XRCC5: variants seen among roughly 807,000 people sequenced by gnomAD.
XRCC5 encodes the protein DNA repair protein Ku80.
XRCC5 carries 12 observed loss-of-function variants against 95.7 expected under a neutral mutation model. That is an observed-to-expected ratio of 0.13 (90% confidence interval 0.08 to 0.20). XRCC5 has a LOEUF of 0.20. Ranked by LOEUF, XRCC5 falls within the 10% of genes least tolerant of loss-of-function variation. XRCC5 has a pLI of 1.00. For missense variants in XRCC5, 595 were observed against 873.9 expected (o/e 0.68, Z 4.02); for synonymous variants, 281 against 290.3 (o/e 0.97, Z 0.33).
At chr2:216,141,532 T>C (rs1350405222) in intron 13 of XRCC5, among the ~76,000 whole-genome samples, 2 of 119,128 alleles carry the variant, frequency 1.7e-5, no homozygotes, top group Non-Finnish European at 3.4e-5. Flanking sequence ...GAATGCTTTC[T>C]TTCTTTTCTT....
chr2:216,161,031 A>C (rs1688942589), intron 15 of XRCC5, among the ~76,000 whole-genome samples: 1 of 152,200 alleles, frequency 6.6e-6, no homozygotes, highest in South Asian at 2.1e-4. Flanking sequence ...AGTGTGAATC[A>C]ACAAATCTTA....
chr2:216,128,156 C>T (rs1165552380), intron 8 of XRCC5, among the ~76,000 whole-genome samples: 1 of 152,006 alleles, frequency 6.6e-6, no homozygotes, highest in African/African-American at 2.4e-5. Flanking sequence ...AGTTGTACTC[C>T]TATGTTATAC....
Position 216,119,076 on chromosome 2 carries a change from A to G in XRCC5, c.402A>G (p.Ile134Met), listed in dbSNP as rs80243955. The G allele has an allele frequency of 1.2e-4, 189 of 1,614,142 alleles. No homozygotes were observed. The highest frequency in any genetic ancestry group is 1.6e-4 in the Non-Finnish European group (186 of 1,179,974). The change falls in exon 5 of 21, where the codon ATA (isoleucine) becomes ATG (methionine). Residue 134 changes from isoleucine (I) to methionine (M), a missense_variant. Physicochemically the swap from Ile to Met is conservative, Grantham distance 10. Around this residue, in one of 2 missense-constraint regions of XRCC5, gnomAD observed 286 missense variants for 491.1 expected, o/e 0.58. Transcript: ENST00000392132. ...GKKFEKRHIE[I>M]FTDLSSRFSK... ...AGTTTGAGAAGAGGCATATTGAAAT[A>G]TTCACTGACCTCAGCAGCCGATTCA...
chr2:216,126,053 T>G (rs1696895310), intron 7 of XRCC5, 22 bp downstream of exon 7: 1 of 1,567,988 alleles, frequency 6.4e-7, no homozygotes, highest in African/African-American at 1.4e-5. Context: ...GTACACATTT[T>G]TAACAGAAAT....
chr2:216,126,665 A>G (rs185563188), intron 7 of XRCC5, among the ~76,000 whole-genome samples: 110 of 152,290 alleles, frequency 7.2e-4, no homozygotes, highest in South Asian at 6.2e-4. Context: ...CATTTTAGAC[A>G]TATAAAATAA....
chr2:216,147,800 G>A (rs1321823062), intron 13 of XRCC5, among the ~76,000 whole-genome samples: 1 of 152,166 alleles, frequency 6.6e-6, no homozygotes, highest in Non-Finnish European at 1.5e-5. Context: ...TCCCCAAGTA[G>A]TAAAAACAAC....
At chr2:216,156,007 C>T (rs558950983) in intron 14 of XRCC5, among the ~76,000 whole-genome samples, 2 of 152,188 alleles carry the variant, frequency 1.3e-5, no homozygotes, top group African/African-American at 2.4e-5. Flanking sequence ...TTCTTATAGA[C>T]GAAGAAGCGA....
chr2:216,126,455 C>G (rs1236158622), intron 7 of XRCC5, among the ~76,000 whole-genome samples: 2 of 152,146 alleles, frequency 1.3e-5, no homozygotes, highest in African/African-American at 4.8e-5. Context: ...GTAACAACAT[C>G]TGTGAAATGT....
At chr2:216,139,935 A>G (rs1330156641) in intron 12 of XRCC5, among the ~76,000 whole-genome samples, 1 of 152,206 alleles carries the variant, frequency 6.6e-6, no homozygotes, top group African/African-American at 2.4e-5. Context: ...CATTTTCTCC[A>G]TTGGAAAAAT....
In XRCC5 at chr2:216,172,469, C is replaced by CTTTTTTTTTTTTTTTT. The variant is rs746493174; in HGVS notation, c.1834+10423_1834+10438dup. Among the ~76,000 whole-genome samples, 356 of 107,710 alleles carry CTTTTTTTTTTTTTTTT rather than the reference C, an allele frequency of 3.3e-3. 34 individuals are homozygous for CTTTTTTTTTTTTTTTT. The highest frequency in any genetic ancestry group is 6.7e-3 in the African/African-American group (170 of 25,468). The allele number at this position is 107,710 out of a possible 152,430, so 70.7% of individuals were successfully genotyped here. A position where few individuals can be genotyped will look rare whatever the true frequency, so the allele number is the denominator to read the frequency against. ...AAACTTTAGCATCAGCTTTTCTTTTCTTTTTTTTTTTTTTTTTGAGACAAA... is the reference window on the plus strand; with the variant it reads ...AAACTTTAGCATCAGCTTTTCTTTTCTTTTTTTTTTTTTTTTTTTTTTTTTTTTTTTTTGAGACAAA... On this transcript the variant is annotated intron_variant, in intron 16 of 20. Coordinates refer to ENST00000392132, the MANE Select transcript of XRCC5 (RefSeq NM_021141.4).
At chr2:216,162,694 A>G (rs1003798135) in intron 16 of XRCC5, among the ~76,000 whole-genome samples, 1 of 152,152 alleles carries the variant, frequency 6.6e-6, no homozygotes, top group Non-Finnish European at 1.5e-5. Context: ...GCCCGGCCAC[A>G]TCTTCCTATT....
chr2:216,161,267 A>G (rs1688946817), intron 15 of XRCC5, among the ~76,000 whole-genome samples: 1 of 152,196 alleles, frequency 6.6e-6, no homozygotes. Context: ...AAGCTTTAGT[A>G]TATTTTGGAA....
At chr2:216,115,222 A>C (rs1696671148) in intron 2 of XRCC5, among the ~76,000 whole-genome samples, 1 of 152,092 alleles carries the variant, frequency 6.6e-6, no homozygotes, top group East Asian at 1.9e-4. Context: ...CGGAGTCGCC[A>C]CTCCGGAGTT....
chr2:216,181,434 C>T lies in XRCC5; in HGVS notation c.1835-8791C>T, dbSNP rs193176038. ...CAATCTGGTCCCATTCTGCCACTCCCGACCCATTCTTATACAGATTCCCTC... is the reference window on the plus strand; with the variant it reads ...CAATCTGGTCCCATTCTGCCACTCCTGACCCATTCTTATACAGATTCCCTC... On this transcript the variant is annotated intron_variant, in intron 16 of 20. Transcript: ENST00000392132. 1.6e-3 allele frequency among the ~76,000 whole-genome samples: 250 copies of T among 152,262 alleles called. 3 individuals are homozygous for T. The highest frequency in any genetic ancestry group is 6.6e-4 in the Non-Finnish European group (45 of 68,014).
intron 16 of XRCC5, among the ~76,000 whole-genome samples, chr2:216,169,147 G>A (rs1689106512): frequency 6.6e-6 from 1 of 152,264 alleles, no homozygotes; most frequent in South Asian, 2.1e-4. Flanking sequence ...TTTGGGGTAA[G>A]AGCATTATTG....
At chr2:216,204,289 AT>A (rs753541171) in intron 19 of XRCC5, 32 bp from the exon 20 acceptor site, 11 of 1,612,950 alleles carry the variant, frequency 6.8e-6, no homozygotes, top group Non-Finnish European at 9.3e-6. Context: ...CAAAAATATC[AT>A]TTTGGTATGA....
chr2:216,194,295 G>A (rs1333134326), intron 18 of XRCC5, among the ~76,000 whole-genome samples: 1 of 152,174 alleles, frequency 6.6e-6, no homozygotes, highest in Non-Finnish European at 1.5e-5. Context: ...TAAAGTCACA[G>A]TTTCCAACAA....
At chr2:216,148,653 G>T (rs987162050) in intron 14 of XRCC5, among the ~76,000 whole-genome samples, 3 of 152,130 alleles carry the variant, frequency 2.0e-5, no homozygotes, top group Non-Finnish European at 4.4e-5. Context: ...TTTTGGGTTG[G>T]GAGGAGATTA....
intron 14 of XRCC5, among the ~76,000 whole-genome samples, chr2:216,156,069 G>A (rs1688836610): frequency 6.6e-6 from 1 of 152,320 alleles, no homozygotes; most frequent in Admixed American, 6.5e-5. Context: ...AAAGTGCTCA[G>A]TCAACCTTCT....
Sources: allele counts gnomAD v4.1 joint callset (sites outside exome capture counted in the v4.1 genomes callset), GRCh38; gene constraint gnomAD v4.1.1; regional missense constraint gnomAD v4.1.1; transcripts MANE v1.5; gene names NCBI Gene and HGNC (gene_info 2026-07-23, HGNC 2026-07-21).